Variants in SLC15A5 observed in about 807,000 individuals in gnomAD.
The protein encoded by SLC15A5 is solute carrier family 15 member 5.
Under a neutral mutation model 56.1 loss-of-function variants are expected in SLC15A5, and 58 were observed. The observed-to-expected ratio is 1.03, with a 90% CI of 0.84 to 1.29. The LOEUF is 1.29. Ranked by LOEUF, SLC15A5 falls within the 50% of genes most tolerant of loss-of-function variation. SLC15A5 has a pLI of 0.00. For missense variants in SLC15A5, 681 were observed against 672.1 expected (o/e 1.01, Z -0.15); for synonymous variants, 264 against 250.5 (o/e 1.05, Z -0.51).
intron 7 of SLC15A5, 133 bp downstream of exon 7, chr12:16,216,760 A>T: frequency 1.3e-6 from 1 of 766,138 alleles, no homozygotes; most frequent in Non-Finnish European, 2.0e-6. Flanking sequence ...TCCTATCTTA[A>T]TTCTATCTTA....
rs139602587 is a variant in SLC15A5, at chr12:16,264,789, G to C, written c.585-6919C>G. 1.7e-3 allele frequency among the ~76,000 whole-genome samples: 254 copies of C among 152,286 alleles called. 1 individual carries two copies. Among genetic ancestry groups the C allele is most frequent in the Middle Eastern group, 3.4e-3 (1 of 294 alleles). ...CTTTGCACAAGCTCTCTCTTCGCTT[G>C]CTGCCATCTGTGTAAGACATGATTT... On this transcript the variant is annotated intron_variant, in intron 2 of 8. Coordinates refer to ENST00000344941, the MANE Select transcript of SLC15A5 (RefSeq NM_001170798.1).
intron 2 of SLC15A5, among the ~76,000 whole-genome samples, chr12:16,259,023 C>CTTT (rs1864610919): frequency 3.1e-4 from 15 of 48,264 alleles, no homozygotes; most frequent in Admixed American, 1.0e-3. Context: ...TTCTTTCTTT[C>CTTT]CTTTTTTTTT....
intron 3 of SLC15A5, among the ~76,000 whole-genome samples, chr12:16,251,076 C>T (rs1864514195): frequency 2.6e-5 from 4 of 151,862 alleles, no homozygotes; most frequent in Admixed American, 2.6e-4. Flanking sequence ...TACAAAACAA[C>T]CTATTCTTAA....
intron 2 of SLC15A5, among the ~76,000 whole-genome samples, chr12:16,261,689 C>A (rs1217223061): frequency 6.6e-6 from 1 of 151,438 alleles, no homozygotes; most frequent in Non-Finnish European, 1.5e-5. Context: ...TACATTATCA[C>A]AACATGTGTA....
chr12:16,256,874 T>TA (rs1565672228), intron 3 of SLC15A5, among the ~76,000 whole-genome samples: 7 of 145,516 alleles, frequency 4.8e-5, no homozygotes, highest in African/African-American at 1.8e-4. Context: ...AAAAAAATAA[T>TA]AATAATAATA....
At chr12:16,268,986 T>C (rs542261098) in intron 2 of SLC15A5, among the ~76,000 whole-genome samples, 5 of 152,148 alleles carry the variant, frequency 3.3e-5, no homozygotes, top group Admixed American at 2.6e-4. Context: ...AGTTCCTTTA[T>C]AAAAGAGACC....
At chr12:16,272,977 C>T (rs1671484) in intron 1 of SLC15A5, among the ~76,000 whole-genome samples, 194 bp from the exon 2 acceptor site, 151,756 of 152,146 alleles carry the variant, frequency 1, 75,684 homozygotes, top group Non-Finnish European at 1. Context: ...ATATGTGTCT[C>T]AACTAATCCG....
chr12:16,226,302 T>C (rs1019697126), intron 5 of SLC15A5, among the ~76,000 whole-genome samples: 1 of 152,176 alleles, frequency 6.6e-6, no homozygotes, highest in Non-Finnish European at 1.5e-5. Context: ...TCAATACAGA[T>C]GCAACCAACT....
At chr12:16,261,181 C>G (rs1185549158) in intron 2 of SLC15A5, among the ~76,000 whole-genome samples, 1 of 152,074 alleles carries the variant, frequency 6.6e-6, no homozygotes, top group Non-Finnish European at 1.5e-5. Flanking sequence ...AGATAACAAA[C>G]ATATCCATTG....
Position 16,188,825 on chromosome 12 carries a change from T to G in SLC15A5, c.*843A>C, listed in dbSNP as rs1303003759. 1 of 152,218 alleles carries G rather than the reference T, an allele frequency of 6.6e-6. No homozygotes were observed. Among genetic ancestry groups the G allele is most frequent in the African/African-American group, 2.4e-5 (1 of 41,468 alleles). 9.4% of individuals were successfully genotyped at this position (152,218 alleles called of 1,614,324 possible). ...ACAGACTTTAATTTTATTTGATTTTTTAAAAAATGAGTTTCCACATATTTT... is the reference window on the plus strand; with the variant it reads ...ACAGACTTTAATTTTATTTGATTTTGTAAAAAATGAGTTTCCACATATTTT... On this transcript the variant is annotated 3_prime_UTR_variant, in exon 9 of 9. Transcript: ENST00000344941.
chr12:16,211,035 C>T (rs1223914935), intron 7 of SLC15A5, among the ~76,000 whole-genome samples: 1 of 152,152 alleles, frequency 6.6e-6, no homozygotes, highest in Non-Finnish European at 1.5e-5. Context: ...GGCACTAAAC[C>T]AGTTGACAAG....
rs1864730561 is a variant in SLC15A5, at chr12:16,269,640, T to G, written c.584+2921A>C. On this transcript the variant is annotated intron_variant, in intron 2 of 8. Transcript: ENST00000344941. The surrounding 1 kb of genome is among the most constrained non-coding windows in gnomAD (Gnocchi z 4.7). The stretch of plus-strand genomic sequence containing the variant: ...TATTTCAGATACCATGTAGAGTCAA[T>G]TTGAGTACCAGATAGTCAACATTTC... Among the ~76,000 whole-genome samples, 1 of 152,212 alleles carries G rather than the reference T, an allele frequency of 6.6e-6. No homozygotes were observed. Among genetic ancestry groups the G allele is most frequent in the African/African-American group, 2.4e-5 (1 of 41,458 alleles).
In SLC15A5 at chr12:16,267,715, C is replaced by A. The variant is rs1377617473; in HGVS notation, c.584+4846G>T. ...CATTCCCTCATTCTTTTGCCAACAACCCCCGCCCACCCCCCACCTTTTTTT... is the reference window on the plus strand; with the variant it reads ...CATTCCCTCATTCTTTTGCCAACAAACCCCGCCCACCCCCCACCTTTTTTT... On this transcript the variant is annotated intron_variant, in intron 2 of 8. Transcript: ENST00000344941. Among the ~76,000 whole-genome samples, 5 of 76,174 alleles carry A rather than the reference C, an allele frequency of 6.6e-5. No individual in the cohort carries two copies. The South Asian group carries it at 3.0e-3, about 46-fold the overall frequency. 50.0% of individuals were successfully genotyped at this position (76,174 alleles called of 152,430 possible). A position where few individuals can be genotyped will look rare whatever the true frequency, so the allele number is the denominator to read the frequency against.
intron 7 of SLC15A5, among the ~76,000 whole-genome samples, chr12:16,211,662 C>T (rs967223743): frequency 1.5e-4 from 23 of 152,110 alleles, no homozygotes; most frequent in African/African-American, 5.6e-4. Flanking sequence ...GGGATAGAGT[C>T]GAAATAAGCA....
intron 3 of SLC15A5, among the ~76,000 whole-genome samples, chr12:16,248,237 A>G (rs1864482594): frequency 6.6e-6 from 1 of 152,088 alleles, no homozygotes; most frequent in South Asian, 2.1e-4. Context: ...TAAGAAGTAG[A>G]ATATATGCTT....
intron 3 of SLC15A5, among the ~76,000 whole-genome samples, chr12:16,247,965 T>C (rs943653267): frequency 2.6e-5 from 4 of 152,086 alleles, no homozygotes; most frequent in African/African-American, 9.7e-5. Flanking sequence ...CCCAGACTAG[T>C]ACAGTAGTAG....
intron 7 of SLC15A5, among the ~76,000 whole-genome samples, chr12:16,204,997 G>T (rs1863999907): frequency 6.6e-6 from 1 of 152,048 alleles, no homozygotes; most frequent in Non-Finnish European, 1.5e-5. Flanking sequence ...GAAATAAAAT[G>T]TTGAGTTAAA....
At chr12:16,213,611 G>T (rs1310442850) in intron 7 of SLC15A5, among the ~76,000 whole-genome samples, 1 of 152,086 alleles carries the variant, frequency 6.6e-6, no homozygotes, top group East Asian at 1.9e-4. Flanking sequence ...ACTAGTTGAG[G>T]TCTAAGGCAA....
intron 7 of SLC15A5, 108 bp from the exon 8 acceptor site, chr12:16,194,561 A>G (rs370990695): frequency 3.3e-6 from 2 of 614,576 alleles, no homozygotes. Flanking sequence ...TAATATCCAC[A>G]AAGCAAAAAA....
Sources: gnomAD v4.1 joint callset for allele counts (sites outside exome capture counted in the v4.1 genomes callset) on GRCh38, gnomAD v4.1.1 for gene constraint, Gnocchi (gnomAD v3.1) non-coding constraint, MANE v1.5 for transcripts, NCBI Gene and HGNC (gene_info 2026-07-23, HGNC 2026-07-21) for gene names.